WDR7: variants seen among roughly 807,000 people sequenced by gnomAD.
WDR7 encodes WD repeat-containing protein 7.
WDR7 carries 46 observed loss-of-function variants against 169.4 expected under a neutral mutation model. That is an observed-to-expected ratio of 0.27 (90% CI 0.21 to 0.35). WDR7 has a LOEUF of 0.35. Ranked by LOEUF, WDR7 falls within the 10% of genes least tolerant of loss-of-function variation. The pLI is 1.00. For synonymous variants in WDR7, 612 were observed against 666.8 expected, an observed-to-expected ratio of 0.92 and a Z score of 1.27; for missense variants, 1,534 against 1,859.3, an observed-to-expected ratio of 0.83 and a Z score of 3.22.
chr18:56,964,779 C>T (rs193119515), intron 26 of WDR7, among the ~76,000 whole-genome samples: 1 of 152,232 alleles, frequency 6.6e-6, no homozygotes, highest in East Asian at 1.9e-4. Flanking sequence ...ATTGAATAAC[C>T]TTTACCTTCC....
intron 20 of WDR7, among the ~76,000 whole-genome samples, chr18:56,829,991 CTT>C (rs1447481113): frequency 6.6e-6 from 1 of 152,118 alleles, no homozygotes; most frequent in Non-Finnish European, 1.5e-5. Context: ...TCCAACAAGT[CTT>C]TGTTTTTTAA....
intron 25 of WDR7, among the ~76,000 whole-genome samples, chr18:56,947,752 C>T (rs775355381): frequency 6.6e-5 from 10 of 152,198 alleles, no homozygotes; most frequent in African/African-American, 1.7e-4. Context: ...GCAGTACTTG[C>T]GGTGTGTTCT....
intron 20 of WDR7, among the ~76,000 whole-genome samples, chr18:56,852,369 GTCAT>G (rs2045653942): frequency 6.6e-6 from 1 of 152,148 alleles, no homozygotes; most frequent in Non-Finnish European, 1.5e-5. Flanking sequence ...GTGAAGTTCT[GTCAT>G]ATAATGATAT....
chr18:56,794,086 A>G (rs1451197082), intron 19 of WDR7, among the ~76,000 whole-genome samples: 1 of 152,094 alleles, frequency 6.6e-6, no homozygotes, highest in Non-Finnish European at 1.5e-5. Context: ...ATTCTGTTTT[A>G]AAAACATTTG....
chr18:56,698,261 A>ATT (rs201408502), intron 12 of WDR7, among the ~76,000 whole-genome samples: 1 of 151,898 alleles, frequency 6.6e-6, no homozygotes, highest in East Asian at 1.9e-4. Context: ...TTAATTATAC[A>ATT]TTTTTTTAGC....
intron 17 of WDR7, among the ~76,000 whole-genome samples, chr18:56,778,736 G>A (rs1275356640): frequency 6.6e-6 from 1 of 152,066 alleles, no homozygotes; most frequent in Non-Finnish European, 1.5e-5. Flanking sequence ...TAGAATTTTA[G>A]AAAAAGTCAC....
At chr18:56,856,169 C>T (rs2045718437) in intron 20 of WDR7, among the ~76,000 whole-genome samples, 1 of 152,208 alleles carries the variant, frequency 6.6e-6, no homozygotes, top group Admixed American at 6.5e-5. Flanking sequence ...TGTGAGAGCT[C>T]TGCCTCACAG....
At chr18:56,765,941 G>A (rs2044059166) in intron 16 of WDR7, among the ~76,000 whole-genome samples, 1 of 151,776 alleles carries the variant, frequency 6.6e-6, no homozygotes, top group Non-Finnish European at 1.5e-5. Flanking sequence ...AGCCCTGCAT[G>A]CTAATCTTTC....
intron 19 of WDR7, among the ~76,000 whole-genome samples, chr18:56,783,436 C>A (rs1169879001): frequency 6.6e-6 from 1 of 151,786 alleles, no homozygotes; most frequent in Non-Finnish European, 1.5e-5. Context: ...TATAAGATCC[C>A]CAAAATTAAG....
chr18:56,909,164 A>G (rs141002028), intron 21 of WDR7, among the ~76,000 whole-genome samples: 1,626 of 152,224 alleles, frequency 0.011, 34 homozygotes, highest in African/African-American at 0.035. Flanking sequence ...CAGTTACCAA[A>G]TATTAAGCTT....
intron 19 of WDR7, among the ~76,000 whole-genome samples, chr18:56,813,196 TAAAAA>T (rs112941474): frequency 1.4e-5 from 2 of 146,788 alleles, no homozygotes; most frequent in African/African-American, 5.0e-5. Context: ...AAAAAAACAT[TAAAAA>T]AAAAAAATTA....
intron 18 of WDR7, among the ~76,000 whole-genome samples, chr18:56,780,848 T>C (rs1291337371): frequency 6.6e-6 from 1 of 152,246 alleles, no homozygotes; most frequent in African/African-American, 2.4e-5. Context: ...ACTAGCTTTT[T>C]TGACTTCATG....
chr18:56,692,403 A>G (rs1327039185), intron 9 of WDR7, among the ~76,000 whole-genome samples: 1 of 151,780 alleles, frequency 6.6e-6, no homozygotes, highest in Non-Finnish European at 1.5e-5. Context: ...TTGAGCAGTA[A>G]GAAAGAAGCT....
chr18:56,810,129 C>T (rs1376224168), intron 19 of WDR7, among the ~76,000 whole-genome samples: 1 of 152,152 alleles, frequency 6.6e-6, no homozygotes, highest in Non-Finnish European at 1.5e-5. Flanking sequence ...CAGATAATGA[C>T]TACCTTGCTT....
chr18:56,849,841 G>A (rs1277395577), intron 20 of WDR7, among the ~76,000 whole-genome samples: 1 of 152,136 alleles, frequency 6.6e-6, no homozygotes, highest in East Asian at 1.9e-4. Context: ...CTGAGTAGCT[G>A]GGACTACAGG....
chr18:56,951,407 A>T (rs1224514040), intron 25 of WDR7, among the ~76,000 whole-genome samples: 1 of 151,740 alleles, frequency 6.6e-6, no homozygotes, highest in Non-Finnish European at 1.5e-5. Context: ...CCTCTTCCTC[A>T]CCTTTGTTAC....
chr18:56,920,982 T>C (rs1380936133), intron 21 of WDR7, among the ~76,000 whole-genome samples: 2 of 152,182 alleles, frequency 1.3e-5, no homozygotes, highest in African/African-American at 2.4e-5. Flanking sequence ...TTTAGCTATA[T>C]CTTTCTATTA....
chr18:56,721,893 A>T (rs944275838), intron 13 of WDR7, among the ~76,000 whole-genome samples: 3 of 152,196 alleles, frequency 2.0e-5, no homozygotes, highest in African/African-American at 7.2e-5. Flanking sequence ...TAATTATTAG[A>T]TGTTCTTATA....
intron 26 of WDR7, among the ~76,000 whole-genome samples, chr18:56,967,937 A>G (rs1316992948): frequency 5.9e-5 from 9 of 152,244 alleles, no homozygotes; most frequent in Non-Finnish European, 1.3e-4. Flanking sequence ...AAAAGTCTAT[A>G]CACATTAAAT....
Sources: gnomAD v4.1 joint callset for allele counts (sites outside exome capture counted in the v4.1 genomes callset) on GRCh38, gnomAD v4.1.1 for gene constraint, MANE v1.5 for transcripts, NCBI Gene and HGNC (gene_info 2026-07-23, HGNC 2026-07-21) for gene names.